Variants in IL15 observed in about 807,000 individuals in gnomAD.
The protein encoded by IL15 is interleukin-15.
IL15 carries 11 observed loss-of-function variants against 19.6 expected under a neutral mutation model. The observed-to-expected ratio is 0.56, with a 90% CI of 0.35 to 0.93. The LOEUF (loss-of-function observed/expected upper bound fraction) is 0.93, where lower values mean the gene tolerates loss of function less well. Ranked by LOEUF, IL15 falls within the 40% of genes least tolerant of loss-of-function variation. The probability of loss-of-function intolerance (pLI) is 0.01; values close to 1 mark genes in which losing one functional copy is unlikely to be tolerated. For missense variants in IL15, 197 were observed against 186.5 expected (o/e 1.06, Z -0.33); for synonymous variants, 58 against 59.6 (o/e 0.97, Z 0.12).
At chr4:141,727,306 A>G (rs1460572511) in intron 5 of IL15, among the ~76,000 whole-genome samples, 1 of 151,742 alleles carries the variant, frequency 6.6e-6, no homozygotes, top group Non-Finnish European at 1.5e-5. Context: ...AAGTCTCTGT[A>G]CTTTCTGCTA....
chr4:141,682,713 G>C (rs1047611387), intron 2 of IL15, among the ~76,000 whole-genome samples: 1 of 152,032 alleles, frequency 6.6e-6, no homozygotes, highest in Admixed American at 6.6e-5. Flanking sequence ...AAAAACAATA[G>C]GGGGAGGCCG....
chr4:141,705,702 C>T (rs929508115), intron 2 of IL15, among the ~76,000 whole-genome samples: 1 of 151,686 alleles, frequency 6.6e-6, no homozygotes, highest in East Asian at 1.9e-4. Context: ...ATTGTATTGC[C>T]CTCTGTTTCT....
chr4:141,680,433 A>G (rs975772461), intron 2 of IL15, among the ~76,000 whole-genome samples: 4 of 152,270 alleles, frequency 2.6e-5, no homozygotes, highest in African/African-American at 9.6e-5. Context: ...GACTTTTCCA[A>G]TGGTTCTGTT....
intron 2 of IL15, among the ~76,000 whole-genome samples, chr4:141,683,399 T>C (rs2152173595): frequency 6.6e-6 from 1 of 151,842 alleles, no homozygotes; most frequent in East Asian, 2.0e-4. Context: ...GGTGAAACCC[T>C]GTCTCTACTA....
chr4:141,637,727 C>A (rs759884882), intron 1 of IL15, among the ~76,000 whole-genome samples: 1 of 152,102 alleles, frequency 6.6e-6, no homozygotes, highest in Non-Finnish European at 1.5e-5. Flanking sequence ...TCAGCAATTT[C>A]AAAACTGGAA....
At chr4:141,681,705 T>A (rs1317382986) in intron 2 of IL15, among the ~76,000 whole-genome samples, 3 of 148,808 alleles carry the variant, frequency 2.0e-5, no homozygotes, top group African/African-American at 7.3e-5. Flanking sequence ...TAAGAAAAAA[T>A]TTTTTCCCAA....
At chr4:141,707,738 G>A (rs1251725858) in intron 2 of IL15, among the ~76,000 whole-genome samples, 1 of 152,190 alleles carries the variant, frequency 6.6e-6, no homozygotes, top group African/African-American at 2.4e-5. Flanking sequence ...TTTTCTTGGG[G>A]TGGGAGCACT....
intron 2 of IL15, among the ~76,000 whole-genome samples, chr4:141,709,462 ATAGT>A (rs1192042852): frequency 6.6e-6 from 1 of 152,158 alleles, no homozygotes; most frequent in Non-Finnish European, 1.5e-5. Context: ...CAATGGTTAA[ATAGT>A]TAGGAATTTT....
At chr4:141,714,882 T>G (rs1677455025) in intron 2 of IL15, 1 of 152,174 alleles carries the variant, frequency 6.6e-6, no homozygotes, top group South Asian at 2.1e-4. Context: ...TCTGATGAGT[T>G]GCATATCTAT....
intron 2 of IL15, among the ~76,000 whole-genome samples, chr4:141,709,246 ACTT>A (rs1729633147): frequency 6.6e-6 from 1 of 152,156 alleles, no homozygotes; most frequent in South Asian, 2.1e-4. Context: ...GGACATAAAC[ACTT>A]TAGGTCTAGG....
Position 141,659,452 on chromosome 4 carries a change from C to T in IL15, c.-100+3145C>T, listed in dbSNP as rs182332428. Reference sequence around the variant, plus strand: ...TCCTGACCTTGTGATTTGCCCACCTCGGCCTCCCGAAGTGCTGAGATTACA... The same window carrying T: ...TCCTGACCTTGTGATTTGCCCACCTTGGCCTCCCGAAGTGCTGAGATTACA... On this transcript the variant is annotated intron_variant, in intron 2 of 7. Transcript: ENST00000320650. Among the ~76,000 whole-genome samples, 18 of 152,290 alleles carry T rather than the reference C, an allele frequency of 1.2e-4. No homozygotes were observed. In the East Asian group the frequency reaches 2.3e-3, roughly 20 times the overall value.
chr4:141,684,955 C>CT lies in IL15; in HGVS notation c.-100+28660dup, dbSNP rs1040976485. ...GAGCTTACAGTGGCAGTGATTATGT[C>CT]TTTTTTTTTTTTCTTTAACAAAGAG... On this transcript the variant is annotated intron_variant, in intron 2 of 7. Coordinates refer to ENST00000320650, the MANE Select transcript of IL15 (RefSeq NM_000585.5). Among the ~76,000 whole-genome samples, 993 of 143,768 alleles carry CT rather than the reference C, an allele frequency of 6.9e-3. 5 individuals are homozygous for CT. The highest frequency in any genetic ancestry group is 0.011 in the Non-Finnish European group (732 of 65,276). The allele number at this position is 143,768 out of a possible 152,430, so 94.3% of individuals were successfully genotyped here.
chr4:141,727,448 G>A (rs895363196), intron 5 of IL15, among the ~76,000 whole-genome samples: 2 of 152,108 alleles, frequency 1.3e-5, no homozygotes, highest in African/African-American at 4.8e-5. Flanking sequence ...GGCATGGAGA[G>A]CAGAGAAGTG....
chr4:141,697,935 TC>T (rs1379536951), intron 2 of IL15, among the ~76,000 whole-genome samples: 2 of 152,220 alleles, frequency 1.3e-5, no homozygotes, highest in African/African-American at 4.8e-5. Context: ...GGGAATGCTC[TC>T]AATGCTTTTC....
chr4:141,731,349 T>C (rs1301975257), intron 7 of IL15, among the ~76,000 whole-genome samples: 1 of 152,190 alleles, frequency 6.6e-6, no homozygotes, highest in Non-Finnish European at 1.5e-5. Flanking sequence ...TGGACAAGTG[T>C]TTTTGTTTTT....
intron 1 of IL15, among the ~76,000 whole-genome samples, chr4:141,649,185 T>G (rs2152154871): frequency 6.6e-6 from 1 of 152,202 alleles, no homozygotes; most frequent in South Asian, 2.1e-4. Context: ...GGTCCAGAAA[T>G]CTCAGTCTGA....
chr4:141,701,562 C>T (rs1195963040), intron 2 of IL15, among the ~76,000 whole-genome samples: 1 of 152,140 alleles, frequency 6.6e-6, no homozygotes, highest in Non-Finnish European at 1.5e-5. Context: ...TTTAACTTTA[C>T]TCCAGTATTT....
At chr4:141,653,044 A>T (rs1231945517) in intron 1 of IL15, among the ~76,000 whole-genome samples, 2 of 152,166 alleles carry the variant, frequency 1.3e-5, no homozygotes, top group African/African-American at 4.8e-5. Flanking sequence ...GCACTGAGTG[A>T]TCACATAGAG....
intron 7 of IL15, among the ~76,000 whole-genome samples, chr4:141,730,567 C>T (rs2152194018): frequency 6.6e-6 from 1 of 152,242 alleles, no homozygotes; most frequent in East Asian, 1.9e-4. Flanking sequence ...AGTCTGTTAT[C>T]TCATGAGAAG....
Sources: allele counts gnomAD v4.1 joint callset (sites outside exome capture counted in the v4.1 genomes callset), GRCh38; gene constraint gnomAD v4.1.1; transcripts MANE v1.5; gene names NCBI Gene and HGNC (gene_info 2026-07-23, HGNC 2026-07-21).